Variants in PGCKA1 observed in about 807,000 individuals in gnomAD.
PGCKA1 encodes PDCD10 and GCKIII kinases-associated protein 1.
At chr4:37,571,355 C>CTTTTTTTCCTT in the PGCKA1 span, among the ~76,000 whole-genome samples, 250 of 78,080 alleles carry the variant, frequency 3.2e-3, 19 homozygotes, top group African/African-American at 0.014. Context: ...GACTATTATC[C>CTTTTTTTCCTT]TTTTTTTTTT....
At chr4:37,574,397 A>C in the PGCKA1 span, among the ~76,000 whole-genome samples, 2 of 152,108 alleles carry the variant, frequency 1.3e-5, no homozygotes, top group African/African-American at 4.8e-5. Context: ...GCCAATGTTA[A>C]GAGTGAAATT....
chr4:37,485,202 C>G, the PGCKA1 span, among the ~76,000 whole-genome samples: 113 of 152,190 alleles, frequency 7.4e-4, no homozygotes, highest in African/African-American at 2.5e-3. Context: ...TGCTTGTTTT[C>G]TGATCAGGTA....
At chr4:37,511,857 G>A in the PGCKA1 span, among the ~76,000 whole-genome samples, 1 of 152,162 alleles carries the variant, frequency 6.6e-6, no homozygotes, top group South Asian at 2.1e-4. Context: ...GCAGTCTAGC[G>A]CCCAAGAGCA....
chr4:37,564,245 G>A, the PGCKA1 span, among the ~76,000 whole-genome samples: 1 of 142,234 alleles, frequency 7.0e-6, no homozygotes, highest in Admixed American at 7.4e-5. Flanking sequence ...CTGCACTCCA[G>A]CCTGGGTGAC....
At chr4:37,508,492 A>G in the PGCKA1 span, among the ~76,000 whole-genome samples, 2 of 151,752 alleles carry the variant, frequency 1.3e-5, no homozygotes, top group South Asian at 4.2e-4. Flanking sequence ...CTGCTATTAA[A>G]AGACCATGAT....
At chr4:37,495,618 C>T in the PGCKA1 span, among the ~76,000 whole-genome samples, 1 of 152,072 alleles carries the variant, frequency 6.6e-6, no homozygotes, top group Non-Finnish European at 1.5e-5. Context: ...AACAGAAAAC[C>T]AAACACCACA....
At chr4:37,458,663 C>T in the PGCKA1 span, among the ~76,000 whole-genome samples, 8 of 152,162 alleles carry the variant, frequency 5.3e-5, no homozygotes, top group South Asian at 4.1e-4. Flanking sequence ...ATGGAAGCAA[C>T]GCCCCTTGAG....
chr4:37,490,951 T>C, the PGCKA1 span, among the ~76,000 whole-genome samples: 1 of 152,192 alleles, frequency 6.6e-6, no homozygotes, highest in Non-Finnish European at 1.5e-5. Context: ...CCAAAATTGT[T>C]TACCAAAATC....
the PGCKA1 span, among the ~76,000 whole-genome samples, chr4:37,458,241 G>A: frequency 6.6e-6 from 1 of 152,148 alleles, no homozygotes; most frequent in Non-Finnish European, 1.5e-5. Context: ...GTTTAGTCAT[G>A]TTCCTACTTC....
the PGCKA1 span, among the ~76,000 whole-genome samples, chr4:37,567,208 C>A: frequency 0.033 from 4,950 of 152,212 alleles, 276 homozygotes; most frequent in African/African-American, 0.11. Flanking sequence ...AGTTATATAA[C>A]CTCCCATTTA....
chr4:37,490,052 G>A, the PGCKA1 span, among the ~76,000 whole-genome samples: 2 of 152,000 alleles, frequency 1.3e-5, no homozygotes, highest in Non-Finnish European at 2.9e-5. Flanking sequence ...GAAAAAAAGA[G>A]TGTCATGAAT....
chr4:37,471,343 A>C, the PGCKA1 span, among the ~76,000 whole-genome samples: 3 of 151,832 alleles, frequency 2.0e-5, no homozygotes, highest in Admixed American at 6.6e-5. Flanking sequence ...TATTCTCCTA[A>C]GTTTTCATTT....
the PGCKA1 span, among the ~76,000 whole-genome samples, chr4:37,456,380 C>A: frequency 6.6e-6 from 1 of 152,200 alleles, no homozygotes; most frequent in Non-Finnish European, 1.5e-5. Context: ...TTAAAATCTT[C>A]AGGACTGTAG....
chr4:37,504,995 T>C, the PGCKA1 span, among the ~76,000 whole-genome samples: 7 of 152,218 alleles, frequency 4.6e-5, no homozygotes, highest in African/African-American at 1.7e-4. Context: ...CTTGTCATGT[T>C]CCAGATCTTA....
At chr4:37,536,625 C>G in the PGCKA1 span, among the ~76,000 whole-genome samples, 1 of 152,124 alleles carries the variant, frequency 6.6e-6, no homozygotes, top group East Asian at 1.9e-4. Flanking sequence ...CTTTCTTTAT[C>G]CTGTAGAGAT....
chr4:37,547,054 T>G, the PGCKA1 span, among the ~76,000 whole-genome samples: 1 of 152,080 alleles, frequency 6.6e-6, no homozygotes, highest in Admixed American at 6.5e-5. Context: ...ACAGGACTGG[T>G]CTTGGGAACT....
chr4:37,579,044 C>T, the PGCKA1 span, among the ~76,000 whole-genome samples: 1 of 151,992 alleles, frequency 6.6e-6, no homozygotes, highest in African/African-American at 2.4e-5. Flanking sequence ...GGCAACAGAG[C>T]AAAACTCCGT....
At chr4:37,549,042 T>C in the PGCKA1 span, among the ~76,000 whole-genome samples, 1 of 132,174 alleles carries the variant, frequency 7.6e-6, no homozygotes, top group Non-Finnish European at 1.6e-5. Flanking sequence ...CTCTCTGCTA[T>C]ATCCCGGAGT....
chr4:37,518,969 T>C, the PGCKA1 span, among the ~76,000 whole-genome samples: 1 of 152,224 alleles, frequency 6.6e-6, no homozygotes, highest in African/African-American at 2.4e-5. Context: ...AAGGATTTAG[T>C]TTCACTCTTC....
Sources: allele counts gnomAD v4.1 joint callset (sites outside exome capture counted in the v4.1 genomes callset), GRCh38; gene constraint gnomAD v4.1.1; transcripts MANE v1.5; gene names NCBI Gene and HGNC (gene_info 2026-07-23, HGNC 2026-07-21).